The following RANGAP1 variants were observed in gnomAD, a reference collection of about 807,000 sequenced individuals.
RANGAP1 encodes the protein Ran GTPase activating protein 1.
A neutral mutation model predicts 63.5 loss-of-function variants in RANGAP1; 38 were observed. The observed-to-expected ratio is 0.60, with a 90% confidence interval of 0.46 to 0.78. RANGAP1 has a LOEUF of 0.78. Ranked by LOEUF, RANGAP1 falls within the 30% of genes least tolerant of loss-of-function variation. The probability of loss-of-function intolerance (pLI) is 0.00; values close to 1 mark genes in which losing one functional copy is unlikely to be tolerated. For synonymous variants in RANGAP1, 329 were observed against 310.5 expected, an observed-to-expected ratio of 1.06 and a Z score of -0.63; for missense variants, 630 against 740.3, an observed-to-expected ratio of 0.85 and a Z score of 1.73.
chr22:41,262,387 C>G (rs1202187955), intron 5 of RANGAP1, among the ~76,000 whole-genome samples: 1 of 152,100 alleles, frequency 6.6e-6, no homozygotes, highest in Non-Finnish European at 1.5e-5. Context: ...TTGCAGAGCA[C>G]CTGCTAGGGC....
the RANGAP1 span, among the ~76,000 whole-genome samples, chr22:41,295,185 C>T: frequency 1.3e-5 from 2 of 151,220 alleles, no homozygotes; most frequent in African/African-American, 4.9e-5. Flanking sequence ...GCCACCACCC[C>T]GTCTGGGAGG....
chr22:41,294,670 T>G, the RANGAP1 span, among the ~76,000 whole-genome samples: 2 of 132,968 alleles, frequency 1.5e-5, no homozygotes, highest in Admixed American at 7.6e-5. Context: ...CGGCCGCCCA[T>G]CGTCTGAGAT....
At chr22:41,292,543 G>A in the RANGAP1 span, among the ~76,000 whole-genome samples, 2,202 of 151,890 alleles carry the variant, frequency 0.014, 52 homozygotes, top group African/African-American at 0.05. Context: ...GGTGGATCAC[G>A]AGCTCAGGAT....
At chr22:41,253,700 A>G (rs975180270) in intron 11 of RANGAP1, among the ~76,000 whole-genome samples, 1 of 152,184 alleles carries the variant, frequency 6.6e-6, no homozygotes, top group Non-Finnish European at 1.5e-5. Context: ...CAGAATTTCT[A>G]TTTATGCTTA....
At chr22:41,270,378 C>T (rs2034733845) in intron 3 of RANGAP1, among the ~76,000 whole-genome samples, 1 of 152,208 alleles carries the variant, frequency 6.6e-6, no homozygotes, top group African/African-American at 2.4e-5. Context: ...CTCCTGACCT[C>T]AGGTGATCCA....
At chr22:41,254,930 CCACTG>C (rs1361899803) in intron 10 of RANGAP1, among the ~76,000 whole-genome samples, 1 of 151,658 alleles carries the variant, frequency 6.6e-6, no homozygotes, top group African/African-American at 2.4e-5. Flanking sequence ...CGAAATTGTG[CCACTG>C]CACTCTAGCC....
At chr22:41,275,615 C>T (rs1345089999) in intron 2 of RANGAP1, among the ~76,000 whole-genome samples, 2 of 151,944 alleles carry the variant, frequency 1.3e-5, no homozygotes, top group East Asian at 3.8e-4. Flanking sequence ...CCCATCTTCA[C>T]TAAAAATACA....
chr22:41,288,325 T>C (rs1485613642), upstream of RANGAP1, among the ~76,000 whole-genome samples: 1 of 152,190 alleles, frequency 6.6e-6, no homozygotes, highest in Non-Finnish European at 1.5e-5. Flanking sequence ...GAGTTAACAC[T>C]GTTCTTGGCA....
At chr22:41,287,939 C>T (rs1346322270), upstream of RANGAP1, among the ~76,000 whole-genome samples, 4 of 151,946 alleles carry the variant, frequency 2.6e-5, no homozygotes, top group South Asian at 6.2e-4. Flanking sequence ...TGAGCCGAGA[C>T]GCACCATTGC....
rs768034212 is a variant in RANGAP1 at position 41,274,563 on chromosome 22, C to A, written c.240+37G>T. On this transcript the variant is annotated intron_variant, in intron 3 of 15. Transcript: ENST00000356244. ...GTGGAAGTGTGAACAGAAGCTTGTT[C>A]AAACCAGCCTGGGCCTACTCGCCCC... 5.6e-6 allele frequency: 9 copies of A among 1,610,900 alleles called. 1 individual carries two copies. The highest frequency in any genetic ancestry group is 1.1e-5 in the South Asian group (1 of 90,860).
chr22:41,267,717 T>C (rs2034564450), intron 4 of RANGAP1, among the ~76,000 whole-genome samples: 1 of 152,074 alleles, frequency 6.6e-6, no homozygotes, highest in Admixed American at 6.6e-5. Flanking sequence ...ACATGGGCTG[T>C]GTGCAGAGAA....
At chr22:41,292,621 C>T in the RANGAP1 span, among the ~76,000 whole-genome samples, 1 of 151,342 alleles carries the variant, frequency 6.6e-6, no homozygotes, top group African/African-American at 2.4e-5. Context: ...TAGCTGGGCC[C>T]CTGTAATCCC....
chr22:41,260,595 C>A (rs774650301), intron 6 of RANGAP1, among the ~76,000 whole-genome samples: 1 of 152,210 alleles, frequency 6.6e-6, no homozygotes, highest in African/African-American at 2.4e-5. Flanking sequence ...CGCCTGTAAT[C>A]CCAGCACTTT....
At chr22:41,297,465 G>A in the RANGAP1 span, among the ~76,000 whole-genome samples, 1 of 151,620 alleles carries the variant, frequency 6.6e-6, no homozygotes, top group Non-Finnish European at 1.5e-5. Flanking sequence ...GCCCAGGCAA[G>A]TGGACACATC....
intron 12 of RANGAP1, among the ~76,000 whole-genome samples, 195 bp from the exon 13 acceptor site, chr22:41,251,304 GGAAT>G (rs1484149680): frequency 6.6e-6 from 1 of 152,108 alleles, no homozygotes; most frequent in Non-Finnish European, 1.5e-5. Context: ...GCATAGAGAG[GGAAT>G]GAATGAGTGA....
the RANGAP1 span, among the ~76,000 whole-genome samples, chr22:41,297,458 C>T: frequency 3.4e-4 from 51 of 151,898 alleles, no homozygotes; most frequent in African/African-American, 1.2e-3. Flanking sequence ...CCCTGTGGCC[C>T]AGGCAAGTGG....
chr22:41,302,210 GC>G, the RANGAP1 span, among the ~76,000 whole-genome samples: 1 of 151,952 alleles, frequency 6.6e-6, no homozygotes, highest in Non-Finnish European at 1.5e-5. The surrounding 1 kb of genome is among the most constrained non-coding windows in gnomAD (Gnocchi z 5.7). Flanking sequence ...CGCTGGCAGG[GC>G]CCCCCTTCCT....
In RANGAP1 at chr22:41,257,222, C is replaced by T. The variant is rs889025555; in HGVS notation, c.775-398G>A. 6.6e-6 allele frequency among the ~76,000 whole-genome samples: 1 copy of T among 152,154 alleles called. No individual in the cohort carries two copies. Among genetic ancestry groups the T allele is most frequent in the African/African-American group, 2.4e-5 (1 of 41,426 alleles). ...AAGTCTGATTTGAACTTCCTTCTGG[C>T]GTGTTCCCCAACACCTGCACACATC... On this transcript the variant is annotated intron_variant, in intron 7 of 15. Transcript: ENST00000356244. The surrounding 1 kb of genome is among the most constrained non-coding windows in gnomAD (Gnocchi z 4.0).
chr22:41,271,454 T>C (rs904013869), intron 3 of RANGAP1, among the ~76,000 whole-genome samples: 4 of 150,718 alleles, frequency 2.7e-5, no homozygotes, highest in African/African-American at 9.8e-5. Flanking sequence ...CCCAGCACTT[T>C]GGGAGGCCGA....
Sources: allele counts gnomAD v4.1 joint callset (sites outside exome capture counted in the v4.1 genomes callset), GRCh38; gene constraint gnomAD v4.1.1; non-coding constraint Gnocchi (gnomAD v3.1); transcripts MANE v1.5; gene names NCBI Gene and HGNC (gene_info 2026-07-23, HGNC 2026-07-21).